Variants in MYO16 observed in about 807,000 individuals in gnomAD.
MYO16 encodes unconventional myosin-XVI.
A neutral mutation model predicts 205.3 loss-of-function variants in MYO16; 94 were observed. The observed-to-expected ratio is 0.46, with a 90% CI of 0.39 to 0.54. The LOEUF is 0.54. Ranked by LOEUF, MYO16 falls within the 20% of genes least tolerant of loss-of-function variation. The probability of loss-of-function intolerance (pLI) is 0.00; values close to 1 mark genes in which losing one functional copy is unlikely to be tolerated. For synonymous variants in MYO16, 988 were observed against 954.0 expected, an observed-to-expected ratio of 1.04 and a Z score of -0.66; for missense variants, 2,315 against 2,387.5, an observed-to-expected ratio of 0.97 and a Z score of 0.63.
At chr13:108,771,231 G>A (rs1011141059) in intron 4 of MYO16, among the ~76,000 whole-genome samples, 52 of 152,066 alleles carry the variant, frequency 3.4e-4, no homozygotes, top group African/African-American at 9.9e-4. Context: ...TTCTATTAGC[G>A]CATGAATACA....
At chr13:108,862,285 A>T (rs185182631) in intron 11 of MYO16, among the ~76,000 whole-genome samples, 1 of 152,196 alleles carries the variant, frequency 6.6e-6, no homozygotes, top group Admixed American at 6.5e-5. Flanking sequence ...TTTTGGTTGT[A>T]TGCAGAAGAG....
At chr13:108,547,702 G>T in the MYO16 span, among the ~76,000 whole-genome samples, 1 of 152,242 alleles carries the variant, frequency 6.6e-6, no homozygotes, top group African/African-American at 2.4e-5. Context: ...TGGATGAGAT[G>T]CTGTTAGGCA....
At chr13:108,705,228 T>C (rs1378657863) in intron 2 of MYO16, among the ~76,000 whole-genome samples, 1 of 152,216 alleles carries the variant, frequency 6.6e-6, no homozygotes, top group African/African-American at 2.4e-5. Flanking sequence ...ATATACACTG[T>C]GTACACTACC....
chr13:108,958,427 A>G (rs963053084), intron 17 of MYO16, among the ~76,000 whole-genome samples: 1 of 152,006 alleles, frequency 6.6e-6, no homozygotes, highest in Non-Finnish European at 1.5e-5. Flanking sequence ...TAATATTGTC[A>G]TATTTAATTG....
the MYO16 span, among the ~76,000 whole-genome samples, chr13:108,563,620 C>T: frequency 1.3e-5 from 2 of 152,166 alleles, no homozygotes; most frequent in African/African-American, 4.8e-5. Context: ...GCTTATTTCA[C>T]TTAACATAAT....
At chr13:109,035,058 T>C (rs1886672175) in intron 23 of MYO16, among the ~76,000 whole-genome samples, 1 of 152,188 alleles carries the variant, frequency 6.6e-6, no homozygotes, top group African/African-American at 2.4e-5. Context: ...TCTTAACCCT[T>C]GGTCTATTGT....
At chr13:108,936,789 T>C (rs1882510471) in intron 16 of MYO16, among the ~76,000 whole-genome samples, 1 of 152,158 alleles carries the variant, frequency 6.6e-6, no homozygotes, top group African/African-American at 2.4e-5. Context: ...AACTTGCCAC[T>C]CTGTGCCTTT....
intron 4 of MYO16, among the ~76,000 whole-genome samples, chr13:108,766,973 G>T (rs1885796666): frequency 6.6e-6 from 1 of 152,162 alleles, no homozygotes; most frequent in Non-Finnish European, 1.5e-5. Context: ...GTAGGGAATT[G>T]CCTGGAAATA....
intron 24 of MYO16, among the ~76,000 whole-genome samples, chr13:109,050,146 A>G (rs919474896): frequency 2.0e-5 from 3 of 152,098 alleles, no homozygotes; most frequent in South Asian, 2.1e-4. Context: ...AGTTTTACCA[A>G]TTGTCCCACT....
At chr13:108,651,583 T>G (rs7983837) in intron 1 of MYO16, among the ~76,000 whole-genome samples, 27,693 of 152,104 alleles carry the variant, frequency 0.18, 3,847 homozygotes, top group African/African-American at 0.38. Flanking sequence ...GAGAAAATAC[T>G]TACTACATTC....
intron 34 of MYO16, among the ~76,000 whole-genome samples, chr13:109,180,494 T>A (rs1416822613): frequency 6.6e-6 from 1 of 152,226 alleles, no homozygotes; most frequent in East Asian, 1.9e-4. Context: ...AGCACAATTT[T>A]TATGTCAAAC....
intron 14 of MYO16, among the ~76,000 whole-genome samples, chr13:108,895,786 A>G (rs1880384373): frequency 6.6e-6 from 1 of 152,172 alleles, no homozygotes; most frequent in Admixed American, 6.5e-5. Context: ...CAGACACATC[A>G]CCCGTTAGAA....
rs528511707 is a variant in MYO16 at position 108,623,266 on chromosome 13, T to A, written c.-39+27027T>A. Among the ~76,000 whole-genome samples, 10 of 152,306 alleles carry A rather than the reference T, an allele frequency of 6.6e-5. No homozygotes were observed. In the South Asian group the frequency reaches 2.1e-3, roughly 32 times the overall value. On this transcript the variant is annotated intron_variant, in intron 1 of 24. Transcript: ENST00000251041. ...GCTACTTAAACTTATCCAAAAGGCC[T>A]GAGACTTCAGTTTGGAGAAATAATT...
At chr13:108,711,006 G>A (rs1490723673) in intron 2 of MYO16, among the ~76,000 whole-genome samples, 1 of 152,162 alleles carries the variant, frequency 6.6e-6, no homozygotes, top group Non-Finnish European at 1.5e-5. Flanking sequence ...TCATGAAAGG[G>A]ATTTTAAACA....
intron 9 of MYO16, among the ~76,000 whole-genome samples, chr13:108,843,696 C>G (rs562541071): frequency 6.6e-6 from 1 of 152,054 alleles, no homozygotes; most frequent in East Asian, 1.9e-4. Flanking sequence ...CATTTATTTT[C>G]TATTTATTTT....
rs112463088 is a variant in MYO16, at chr13:108,786,638, G to A, written c.616+895G>A. ...TGCTTTTATGAAAAAGGTTTATTCC[G>A]AGGATGGCTTAGAATAATAATAATT... On this transcript the variant is annotated intron_variant, in intron 5 of 34. Coordinates refer to ENST00000457511, the MANE Select transcript of MYO16 (RefSeq NM_001198950.3). 3.7e-3 allele frequency among the ~76,000 whole-genome samples: 556 copies of A among 152,250 alleles called. 2 individuals carry two copies. Among genetic ancestry groups the A allele is most frequent in the Admixed American group, 9.0e-3 (138 of 15,294 alleles).
intron 16 of MYO16, among the ~76,000 whole-genome samples, chr13:108,936,370 G>A (rs1882492622): frequency 6.6e-6 from 1 of 151,922 alleles, no homozygotes; most frequent in Admixed American, 6.5e-5. Flanking sequence ...TTTTTGGTTG[G>A]TAGGTTTTTT....
intron 3 of MYO16, among the ~76,000 whole-genome samples, chr13:108,726,504 A>G (rs532139486): frequency 6.1e-4 from 93 of 151,652 alleles, no homozygotes; most frequent in South Asian, 3.8e-3. Context: ...GGTTGCAGTG[A>G]GCTGAGATCG....
chr13:108,842,367 A>C (rs1255754073), intron 9 of MYO16, among the ~76,000 whole-genome samples: 3 of 152,128 alleles, frequency 2.0e-5, no homozygotes, highest in Non-Finnish European at 2.9e-5. Context: ...AATATATATG[A>C]TAAGGGGTAA....
Sources: allele counts gnomAD v4.1 joint callset (sites outside exome capture counted in the v4.1 genomes callset), GRCh38; gene constraint gnomAD v4.1.1; transcripts MANE v1.5; gene names NCBI Gene and HGNC (gene_info 2026-07-23, HGNC 2026-07-21).